Variants in RFESD observed in about 807,000 individuals in gnomAD.
RFESD encodes Rieske domain-containing protein.
Under a neutral mutation model 24.4 loss-of-function variants are expected in RFESD, and 16 were observed. The ratio of observed to expected loss-of-function variants is 0.66; its 90% CI spans 0.44 to 1.00. The LOEUF is 1.00. Among genes scored for constraint, RFESD ranks in the 50% least tolerant of loss-of-function variants. The pLI is 0.00. For synonymous variants in RFESD, 59 were observed against 81.8 expected, an observed-to-expected ratio of 0.72 and a Z score of 1.50; for missense variants, 208 against 247.0, an observed-to-expected ratio of 0.84 and a Z score of 1.06.
intron 5 of RFESD, chr5:95,655,203 A>C (rs1217254048): frequency 6.6e-6 from 1 of 152,192 alleles, no homozygotes; most frequent in Non-Finnish European, 1.5e-5. Flanking sequence ...ACATATGTGA[A>C]TCTTTGCTGA....
intron 1 of RFESD, among the ~76,000 whole-genome samples, chr5:95,651,936 G>T (rs1750363513): frequency 6.6e-6 from 1 of 152,174 alleles, no homozygotes; most frequent in Non-Finnish European, 1.5e-5. Flanking sequence ...TGATTTCTAG[G>T]AGGGTGGATG....
chr5:95,652,574 C>T, intron 2 of RFESD: 1 of 407,750 alleles, frequency 2.5e-6, no homozygotes, highest in Non-Finnish European at 4.2e-6. Context: ...GCTGCACAAA[C>T]CTAAAACTTG....
chr5:95,654,182 G>A lies in RFESD; in HGVS notation c.280G>A (p.Val94Met), dbSNP rs896434182. The A allele has an allele frequency of 1.2e-6, 2 of 1,612,924 alleles. No individual in the cohort carries two copies. Among genetic ancestry groups the A allele is most frequent in the South Asian group, 1.1e-5 (1 of 91,036 alleles). The change falls in exon 4 of 6, where the codon GTG becomes ATG. Residue 94 changes from valine (V) to methionine (M), a missense_variant. Physicochemically the swap from Val to Met is conservative, Grantham distance 21. Coordinates refer to ENST00000380005, the MANE Select transcript of RFESD (RefSeq NM_001131066.2). Reference sequence around the variant, plus strand: ...GACAGCTGTTGTCCATGATAGAGAAGTGGTCATTTTCTACCACAAGGGAGA... The same window carrying A: ...GACAGCTGTTGTCCATGATAGAGAAATGGTCATTTTCTACCACAAGGGAGA... ...RMTAVVHDREVVIFYHKGEYH... is the reference protein window; with the variant it reads ...RMTAVVHDREMVIFYHKGEYH...
At position 95,651,800 on chromosome 5, in the gene RFESD, T is replaced by C. The variant is rs148601379; in HGVS notation, c.-135-337T>C. On this transcript the variant is annotated intron_variant, in intron 1 of 5. Transcript: ENST00000380005. ...TCTTGATTTTTTTCCCACCTTTTAA[T>C]TTCTATATTTGGCCAAAAGGATATT... Among the ~76,000 whole-genome samples, 750 of 152,260 alleles carry C rather than the reference T, an allele frequency of 4.9e-3. 9 individuals carry two copies. Among genetic ancestry groups the C allele is most frequent in the African/African-American group, 0.017 (702 of 41,538 alleles).
At position 95,652,608 on chromosome 5, in the gene RFESD, T is replaced by C. The variant is rs532831697; in HGVS notation, c.60+277T>C. On this transcript the variant is annotated intron_variant, in intron 2 of 5. Coordinates refer to ENST00000380005, the MANE Select transcript of RFESD (RefSeq NM_001131066.2). The stretch of plus-strand genomic sequence containing the variant: ...TGGGAGTCATCTTTATTTATTTTTC[T>C]GTAGCATCTTCATTCAAGTTCATCA... The C allele has an allele frequency of 1.1e-3, 361 of 339,434 alleles. 3 individuals carry two copies. The highest frequency in any genetic ancestry group is 6.8e-3 in the African/African-American group (326 of 47,718). 21.0% of individuals were successfully genotyped at this position (339,434 alleles called of 1,614,324 possible). A position where few individuals can be genotyped will look rare whatever the true frequency, so the allele number is the denominator to read the frequency against.
intron 1 of RFESD, among the ~76,000 whole-genome samples, 182 bp from the exon 2 acceptor site, chr5:95,651,955 G>A (rs973991169): frequency 3.9e-5 from 6 of 152,152 alleles, no homozygotes; most frequent in Admixed American, 2.6e-4. Context: ...TGTATAGGGA[G>A]TAAGTGAACT....
chr5:95,651,491 C>A (rs1750335638), intron 1 of RFESD, among the ~76,000 whole-genome samples: 1 of 152,158 alleles, frequency 6.6e-6, no homozygotes, highest in African/African-American at 2.4e-5. Flanking sequence ...AACTCCTGGG[C>A]TCAAGTGATC....
chr5:95,652,570 C>A, intron 2 of RFESD: 1 of 420,848 alleles, frequency 2.4e-6, no homozygotes, highest in Non-Finnish European at 4.1e-6. Context: ...CCTAGCTGCA[C>A]AAACCTAAAA....
In RFESD at chr5:95,648,942, A is replaced by G. The variant is rs1455949773; in HGVS notation, c.-136+2125A>G. ...CCTGGAGGAAAACAACTATTCATTT[A>G]TTTCCTCCTTTGGTGCCAAGTTTTG... On this transcript the variant is annotated intron_variant, in intron 1 of 5. Transcript: ENST00000380005. 1.2e-4 allele frequency among the ~76,000 whole-genome samples: 3 copies of G among 25,456 alleles called. No homozygotes were observed. The Admixed American group carries it at 1.5e-3, about 13-fold the overall frequency. The allele number at this position is 25,456 out of a possible 152,430, so 16.7% of individuals were successfully genotyped here.
At position 95,656,187 on chromosome 5, in the gene RFESD, A is replaced by G; in HGVS notation, c.511A>G (p.Arg171Gly). ...GTGGTGCTCCAAAGGAATAAAGCAA[A>G]GGATTCACACAGTGACAGTAGACAA... The part of the protein sequence containing the change: ...PKWCSKGIKQ[R>G]IHTVTVDNGN... Residue 171 changes from arginine (R) to glycine (G), a missense_variant, in exon 6 of 6, where the codon AGG becomes GGG. Physicochemically the swap from Arg to Gly is moderately radical, Grantham distance 125 (BLOSUM62 -2). Coordinates refer to ENST00000380005, the MANE Select transcript of RFESD (RefSeq NM_001131066.2). 1 of 1,614,120 alleles carries G rather than the reference A, an allele frequency of 6.2e-7. No individual in the cohort carries two copies.
At chr5:95,649,540 G>A (rs547292310) in intron 1 of RFESD, among the ~76,000 whole-genome samples, 9 of 152,270 alleles carry the variant, frequency 5.9e-5, no homozygotes, top group African/African-American at 2.2e-4. Context: ...ACTTTACTAG[G>A]TAATGCCAAA....
rs922352640 is a variant in RFESD, at chr5:95,657,666, A to G, written c.*1357A>G. On this transcript the variant is annotated 3_prime_UTR_variant, in exon 6 of 6. Transcript: ENST00000380005. ...GACTCTGCTTACTTACCTTTACTAC[A>G]TATTATTACACTTCCTTTTCTGTTG... 6.6e-6 allele frequency: 1 copy of G among 152,148 alleles called. No homozygotes were observed. The highest frequency in any genetic ancestry group is 2.4e-5 in the African/African-American group (1 of 41,444). 9.4% of individuals were successfully genotyped at this position (152,148 alleles called of 1,614,324 possible).
At chr5:95,648,311 A>G (rs542767774) in intron 1 of RFESD, among the ~76,000 whole-genome samples, 10 of 152,320 alleles carry the variant, frequency 6.6e-5, no homozygotes, top group African/African-American at 2.4e-4. Context: ...CACAACGACT[A>G]AGTTTTTCAG....
intron 1 of RFESD, among the ~76,000 whole-genome samples, chr5:95,649,872 CTTTCT>C (rs1395255144): frequency 2.0e-5 from 3 of 152,116 alleles, no homozygotes; most frequent in Non-Finnish European, 4.4e-5. Context: ...TTCCACATTT[CTTTCT>C]TTTCTTTTTC....
Position 95,656,178 on chromosome 5 carries a change from A to G in RFESD, c.502A>G (p.Ile168Val), listed in dbSNP as rs1750746991. ...AAAACCCAAGTGGTGCTCCAAAGGA[A>G]TAAAGCAAAGGATTCACACAGTGAC... ...SAKPKWCSKG[I>V]KQRIHTVTVD... The change falls in exon 6 of 6, where the codon ATA (isoleucine) becomes GTA (valine). Residue 168 changes from isoleucine (I) to valine (V), a missense_variant. Ile to Val is a conservative substitution (Grantham distance 29). Transcript: ENST00000380005. The G allele has an allele frequency of 6.2e-7, 1 of 1,614,008 alleles. No homozygotes were observed. The highest frequency in any genetic ancestry group is 1.1e-5 in the South Asian group (1 of 91,086).
chr5:95,653,970 TC>T (rs1403154818), intron 3 of RFESD, 90 bp from the exon 4 acceptor site: 10 of 986,142 alleles, frequency 1.0e-5, no homozygotes, highest in Non-Finnish European at 1.5e-5. Context: ...TCTTGAAAAG[TC>T]CGAACTATTC....
rs1281312993 is a variant in RFESD, at chr5:95,657,125, A to C, written c.*816A>C. The C allele has an allele frequency of 3.3e-5, 5 of 152,124 alleles. No homozygotes were observed. The highest frequency in any genetic ancestry group is 2.0e-4 in the Admixed American group (3 of 15,264). 9.4% of individuals were successfully genotyped at this position (152,124 alleles called of 1,614,324 possible). The stretch of plus-strand genomic sequence containing the variant: ...AATGCCTATATGAAATTTTCAAATA[A>C]AGATTTTTAAAAACGTTTTAGAACT... On this transcript the variant is annotated 3_prime_UTR_variant, in exon 6 of 6. Transcript: ENST00000380005.
rs1750863534 is a variant in RFESD, at chr5:95,657,928, C to G, written c.*1619C>G. 7.9e-6 allele frequency: 1 copy of G among 126,214 alleles called. No homozygotes were observed. The highest frequency in any genetic ancestry group is 2.4e-4 in the South Asian group (1 of 4,138). The allele number at this position is 126,214 out of a possible 1,614,324, so 7.8% of individuals were successfully genotyped here. A position where few individuals can be genotyped will look rare whatever the true frequency, so the allele number is the denominator to read the frequency against. On this transcript the variant is annotated 3_prime_UTR_variant, in exon 6 of 6. Coordinates refer to ENST00000380005, the MANE Select transcript of RFESD (RefSeq NM_001131066.2). ...TGTACAGAAGAAATCAAAGTACTTT[C>G]TTCAGGCAAAAACTAGCCCTGGTTT...
rs74884020 is a variant in RFESD at position 95,649,212 on chromosome 5, A to G, written c.-136+2395A>G. Among the ~76,000 whole-genome samples the G allele has an allele frequency of 2.6e-5, 4 of 152,334 alleles. No homozygotes were observed. The East Asian group carries it at 7.7e-4, about 29-fold the overall frequency. On this transcript the variant is annotated intron_variant, in intron 1 of 5. Coordinates refer to ENST00000380005, the MANE Select transcript of RFESD (RefSeq NM_001131066.2). ...TTGCTTTTCTTGATATATTTACCCT[A>G]TAGTACATATATCCATGAATAATAT...
Sources: gnomAD v4.1 joint callset for allele counts (sites outside exome capture counted in the v4.1 genomes callset) on GRCh38, gnomAD v4.1.1 for gene constraint, MANE v1.5 for transcripts, NCBI Gene and HGNC (gene_info 2026-07-23, HGNC 2026-07-21) for gene names.